Variants in SMARCC1 observed in about 807,000 individuals in gnomAD.
SMARCC1 encodes SWI/SNF related BAF chromatin remodeling complex subunit C1, also known as SWI/SNF complex subunit SMARCC1.
In SMARCC1, 43 loss-of-function variants were observed where a neutral mutation model predicts 147.4. That is an observed-to-expected ratio of 0.29 (90% CI 0.23 to 0.38). The LOEUF (loss-of-function observed/expected upper bound fraction) is 0.38, where lower values mean the gene tolerates loss of function less well. Among genes scored for constraint, SMARCC1 ranks in the 10% least tolerant of loss-of-function variants. The pLI, the probability that SMARCC1 is intolerant of heterozygous loss-of-function variation, is 1.00. For missense variants in SMARCC1, 1,119 were observed against 1,381.1 expected (o/e 0.81, Z 3.01); for synonymous variants, 495 against 484.4 (o/e 1.02, Z -0.29).
At chr3:47,688,602 T>C (rs1333742550) in intron 13 of SMARCC1, among the ~76,000 whole-genome samples, 1 of 152,178 alleles carries the variant, frequency 6.6e-6, no homozygotes, top group Non-Finnish European at 1.5e-5. Context: ...AAATCTAACA[T>C]GTTCCAAAAG....
intron 26 of SMARCC1, among the ~76,000 whole-genome samples, chr3:47,596,353 A>C (rs1423947660): frequency 6.6e-6 from 1 of 152,032 alleles, no homozygotes; most frequent in Non-Finnish European, 1.5e-5. Context: ...GTGGATCAAG[A>C]GGTCAGGAGT....
chr3:47,610,319 T>C lies in SMARCC1; in HGVS notation c.2790A>G (p.Gln930=). The C allele has an allele frequency of 6.2e-7, 1 of 1,614,216 alleles. No individual in the cohort carries two copies. The highest frequency in any genetic ancestry group is 1.1e-5 in the South Asian group (1 of 91,086). ...GTTCAGTAAGCAACTGCTGCCTCTG[T>C]TGTTCTAGCTGTAAGCAAAGGAAGT... ...IMDREKEALE[Q]QRQQLLTERQ... is the part of the protein sequence containing the mutation. The change falls in exon 26 of 28, where the codon CAA becomes CAG. Residue 930 remains glutamine, a synonymous_variant. Transcript: ENST00000254480.
At chr3:47,616,986 A>T (rs979244786) in intron 25 of SMARCC1, among the ~76,000 whole-genome samples, 3 of 152,296 alleles carry the variant, frequency 2.0e-5, no homozygotes, top group South Asian at 2.1e-4. Context: ...GCAGTGGGGG[A>T]GGTGGAGAGT....
rs568003464 is a variant in SMARCC1, at chr3:47,727,172, C to A, written c.646+1853G>T. Among the ~76,000 whole-genome samples, 8 of 145,240 alleles carry A rather than the reference C, an allele frequency of 5.5e-5. No homozygotes were observed. The East Asian group carries it at 1.5e-3, about 27-fold the overall frequency. Reference sequence around the variant, plus strand: ...AGGCTGCAGTGCGCCAAGATGACGCCACTACACTCCATTCTGGGTGACACA... The same window carrying A: ...AGGCTGCAGTGCGCCAAGATGACGCAACTACACTCCATTCTGGGTGACACA... On this transcript the variant is annotated intron_variant, in intron 6 of 27. Transcript: ENST00000254480.
intron 5 of SMARCC1, among the ~76,000 whole-genome samples, chr3:47,732,084 A>T (rs1243781609): frequency 6.6e-6 from 1 of 152,218 alleles, no homozygotes; most frequent in East Asian, 1.9e-4. Context: ...AATTATCTTT[A>T]CTAAATCTCC....
intron 2 of SMARCC1, among the ~76,000 whole-genome samples, chr3:47,763,222 G>A (rs1223768938): frequency 6.6e-5 from 10 of 151,024 alleles, no homozygotes; most frequent in Admixed American, 6.6e-4. Context: ...TTGTTGCCCA[G>A]GCTAGTCTCG....
intron 2 of SMARCC1, among the ~76,000 whole-genome samples, chr3:47,762,702 A>G (rs925207868): frequency 1.3e-5 from 2 of 152,208 alleles, no homozygotes; most frequent in Non-Finnish European, 2.9e-5. Flanking sequence ...TGGGAGAATC[A>G]CCTGAGGTCA....
chr3:47,727,093 G>C (rs552432403), intron 6 of SMARCC1, among the ~76,000 whole-genome samples: 2 of 151,900 alleles, frequency 1.3e-5, no homozygotes, highest in South Asian at 4.2e-4. Context: ...CACTCCTGTA[G>C]TCCCAGCTAC....
chr3:47,698,541 A>C (rs1262909308), intron 11 of SMARCC1, among the ~76,000 whole-genome samples: 1 of 152,140 alleles, frequency 6.6e-6, no homozygotes, highest in Non-Finnish European at 1.5e-5. Flanking sequence ...ACGGCCAAAA[A>C]TTAAGGAATA....
chr3:47,639,884 C>T (rs1432179244), intron 21 of SMARCC1, among the ~76,000 whole-genome samples: 2 of 152,152 alleles, frequency 1.3e-5, no homozygotes, highest in African/African-American at 4.8e-5. Context: ...CAAATGTACA[C>T]ATGCTGAATT....
intron 25 of SMARCC1, among the ~76,000 whole-genome samples, chr3:47,619,578 G>C (rs891241961): frequency 3.9e-5 from 6 of 152,358 alleles, no homozygotes; most frequent in Middle Eastern, 3.4e-3. Flanking sequence ...GGCAAAGAGA[G>C]TAAGGCTGTG....
intron 26 of SMARCC1, chr3:47,604,373 C>T (rs996991619): frequency 2.3e-6 from 1 of 442,946 alleles, no homozygotes; most frequent in Non-Finnish European, 4.5e-6. Context: ...TTATTCCCAT[C>T]ATATATCATA....
intron 4 of SMARCC1, among the ~76,000 whole-genome samples, chr3:47,737,205 A>G (rs2106830381): frequency 6.6e-6 from 1 of 152,286 alleles, no homozygotes; most frequent in South Asian, 2.1e-4. Context: ...CAGCCTGGCT[A>G]ACATGGCAAA....
At chr3:47,752,358 G>A (rs1486959545) in intron 2 of SMARCC1, among the ~76,000 whole-genome samples, 1 of 152,072 alleles carries the variant, frequency 6.6e-6, no homozygotes, top group Non-Finnish European at 1.5e-5. Flanking sequence ...TCCCATTCCA[G>A]CCCCATCCTA....
intron 2 of SMARCC1, among the ~76,000 whole-genome samples, chr3:47,759,329 C>CA (rs1188415020): frequency 6.7e-6 from 1 of 149,428 alleles, no homozygotes; most frequent in Non-Finnish European, 1.5e-5. Context: ...GTCCCTTTAG[C>CA]AAAAAAAATT....
intron 18 of SMARCC1, among the ~76,000 whole-genome samples, chr3:47,671,196 A>AAACAAAAAAAC (rs1553682000): frequency 1.4e-4 from 11 of 81,142 alleles, no homozygotes; most frequent in East Asian, 4.8e-4. Flanking sequence ...AAAAAAAAAA[A>AAACAAAAAAAC]AACACACACA....
intron 24 of SMARCC1, among the ~76,000 whole-genome samples, chr3:47,628,681 C>T (rs2032845781): frequency 6.6e-6 from 1 of 152,182 alleles, no homozygotes; most frequent in Non-Finnish European, 1.5e-5. Context: ...TCTCGTACCT[C>T]AGCCTCCCAA....
chr3:47,645,813 C>A (rs2033113835), intron 21 of SMARCC1, among the ~76,000 whole-genome samples: 1 of 152,068 alleles, frequency 6.6e-6, no homozygotes, highest in African/African-American at 2.4e-5. Flanking sequence ...GTAAGGCAAG[C>A]CAAATTTGAA....
At chr3:47,772,702 CTTTT>C (rs887634288) in intron 2 of SMARCC1, 111 bp downstream of exon 2, 22 of 854,260 alleles carry the variant, frequency 2.6e-5, no homozygotes, top group Non-Finnish European at 1.7e-6. Flanking sequence ...TTGTTTTTTG[CTTTT>C]TTTTTTTAAA....
Sources: gnomAD v4.1 joint callset for allele counts (sites outside exome capture counted in the v4.1 genomes callset) on GRCh38, gnomAD v4.1.1 for gene constraint, MANE v1.5 for transcripts, NCBI Gene and HGNC (gene_info 2026-07-23, HGNC 2026-07-21) for gene names.